PTPN3: variants seen among roughly 807,000 people sequenced by gnomAD.
PTPN3 encodes protein tyrosine phosphatase non-receptor type 3.
In PTPN3, 96 loss-of-function variants were observed where a neutral mutation model predicts 132.7. The observed-to-expected ratio is 0.72, with a 90% CI of 0.61 to 0.86. The LOEUF is 0.86. Ranked by LOEUF, PTPN3 falls within the 40% of genes least tolerant of loss-of-function variation. The pLI, the probability that PTPN3 is intolerant of heterozygous loss-of-function variation, is 0.00. For synonymous variants in PTPN3, 398 were observed against 429.0 expected (o/e 0.93, Z 0.89); for missense variants, 1,125 against 1,159.6 (o/e 0.97, Z 0.43).
the PTPN3 span, among the ~76,000 whole-genome samples, chr9:109,521,923 A>C: frequency 6.6e-6 from 1 of 152,132 alleles, no homozygotes. Flanking sequence ...TTATCCCTTC[A>C]TTTTACAGAT....
intron 14 of PTPN3, among the ~76,000 whole-genome samples, chr9:109,416,115 GA>G (rs1323772983): frequency 6.6e-6 from 1 of 152,168 alleles, no homozygotes; most frequent in East Asian, 1.9e-4. Context: ...GTGATGGGTG[GA>G]AAGTGACTAC....
chr9:109,418,384 A>G lies in PTPN3; in HGVS notation c.1313+2040T>C, dbSNP rs78952693. ...CCTCCCCACCTGGCACTGATTGCAT[A>G]AAGAGACAGAGGGTGCTGGGCTGTG... On this transcript the variant is annotated intron_variant, in intron 14 of 25. Coordinates refer to ENST00000374541, the MANE Select transcript of PTPN3 (RefSeq NM_002829.4). 1.1e-3 allele frequency among the ~76,000 whole-genome samples: 174 copies of G among 152,326 alleles called. 1 individual carries two copies. Among genetic ancestry groups the G allele is most frequent in the Non-Finnish European group, 1.6e-3 (106 of 68,026 alleles).
At chr9:109,424,052 A>T (rs10816809) in intron 12 of PTPN3, among the ~76,000 whole-genome samples, 41,112 of 152,046 alleles carry the variant, frequency 0.27, 5,726 homozygotes, top group Non-Finnish European at 0.28. Flanking sequence ...ATCAGAAACC[A>T]CACTGCCAGT....
intron 22 of PTPN3, among the ~76,000 whole-genome samples, chr9:109,384,620 A>G (rs1040658683): frequency 2.6e-5 from 4 of 152,248 alleles, no homozygotes; most frequent in African/African-American, 9.6e-5. Context: ...CTTCAGGGCT[A>G]GGCTGTCCAT....
chr9:109,513,033 G>A, the PTPN3 span, among the ~76,000 whole-genome samples: 1 of 152,170 alleles, frequency 6.6e-6, no homozygotes, highest in South Asian at 2.1e-4. Context: ...TATTGAAACA[G>A]GGTCTCACTC....
intron 1 of PTPN3, among the ~76,000 whole-genome samples, chr9:109,489,460 C>T (rs949529613): frequency 1.3e-5 from 2 of 152,186 alleles, no homozygotes; most frequent in Non-Finnish European, 2.9e-5. Context: ...CTGCACTGAT[C>T]TCAACCTCGA....
Position 109,377,595 on chromosome 9 carries a change from C to A in PTPN3, c.*1961G>T, listed in dbSNP as rs906530855. ...TACTCCAGCCTGGGCGACAGTGAGACCCTGTCTCTAAAAAGAGAGACAAAA... is the reference window on the plus strand; with the variant it reads ...TACTCCAGCCTGGGCGACAGTGAGAACCTGTCTCTAAAAAGAGAGACAAAA... On this transcript the variant is annotated 3_prime_UTR_variant, in exon 26 of 26. Transcript: ENST00000374541. 1 of 152,094 alleles carries A rather than the reference C, an allele frequency of 6.6e-6. No individual in the cohort carries two copies. The highest frequency in any genetic ancestry group is 1.5e-5 in the Non-Finnish European group (1 of 68,034). The allele number at this position is 152,094 out of a possible 1,614,324, so 9.4% of individuals were successfully genotyped here. A position where few individuals can be genotyped will look rare whatever the true frequency, so the allele number is the denominator to read the frequency against.
At chr9:109,440,512 CCA>C (rs1214631257) in intron 7 of PTPN3, among the ~76,000 whole-genome samples, 1 of 152,126 alleles carries the variant, frequency 6.6e-6, no homozygotes, top group African/African-American at 2.4e-5. Context: ...GATCTGAACC[CCA>C]GTTAGTGCTC....
intron 22 of PTPN3, among the ~76,000 whole-genome samples, chr9:109,386,060 C>A (rs1051777816): frequency 1.3e-5 from 2 of 152,202 alleles, no homozygotes; most frequent in Non-Finnish European, 2.9e-5. Context: ...ATGGGACATA[C>A]TGAAAATTTC....
chr9:109,448,312 A>G (rs1844997041), intron 6 of PTPN3, among the ~76,000 whole-genome samples: 1 of 152,160 alleles, frequency 6.6e-6, no homozygotes, highest in Non-Finnish European at 1.5e-5. Context: ...CTAAGTCAAG[A>G]AAAGGAGGTA....
chr9:109,429,680 G>A (rs1435139930), intron 10 of PTPN3, among the ~76,000 whole-genome samples: 1 of 152,156 alleles, frequency 6.6e-6, no homozygotes, highest in Non-Finnish European at 1.5e-5. Context: ...CACGAGTTTT[G>A]CGGAGCCAAC....
intron 19 of PTPN3, among the ~76,000 whole-genome samples, chr9:109,397,064 A>T (rs1349392653): frequency 6.6e-6 from 1 of 152,200 alleles, no homozygotes; most frequent in African/African-American, 2.4e-5. Context: ...AGAAAAAGGG[A>T]AAAGGACAGG....
chr9:109,506,990 T>C, the PTPN3 span, among the ~76,000 whole-genome samples: 1 of 152,248 alleles, frequency 6.6e-6, no homozygotes, highest in Non-Finnish European at 1.5e-5. Flanking sequence ...TAATATTTTT[T>C]CAGAATTGTT....
chr9:109,393,240 T>C (rs1033468259), intron 19 of PTPN3, among the ~76,000 whole-genome samples: 3 of 152,202 alleles, frequency 2.0e-5, no homozygotes, highest in Non-Finnish European at 4.4e-5. Context: ...ACATATGATC[T>C]TTAATGGTTC....
intron 1 of PTPN3, among the ~76,000 whole-genome samples, chr9:109,468,629 G>A (rs1280777126): frequency 1.3e-5 from 2 of 152,132 alleles, no homozygotes; most frequent in African/African-American, 2.4e-5. Context: ...GCCTCCCAAA[G>A]TGCTGGGATT....
Position 109,490,670 on chromosome 9 carries a change from C to T in PTPN3, c.-18+7549G>A, listed in dbSNP as rs10979888. On this transcript the variant is annotated intron_variant, in intron 1 of 25. Transcript: ENST00000374541. Reference sequence around the variant, plus strand: ...AGGAGAATTGCTTGAACCCAGGAGTCGGATGCTGCAGTGAGCTGAGACTGA... The same window carrying T: ...AGGAGAATTGCTTGAACCCAGGAGTTGGATGCTGCAGTGAGCTGAGACTGA... Among the ~76,000 whole-genome samples the T allele has an allele frequency of 7.2e-4, 109 of 151,650 alleles. 1 individual carries two copies. The highest frequency in any genetic ancestry group is 1.1e-3 in the Non-Finnish European group (78 of 67,910).
intron 18 of PTPN3, among the ~76,000 whole-genome samples, chr9:109,405,637 T>C (rs1157339626): frequency 6.6e-6 from 1 of 152,226 alleles, no homozygotes; most frequent in Non-Finnish European, 1.5e-5. Flanking sequence ...TCACCCAGGC[T>C]GGAGTGTAGT....
chr9:109,418,538 T>G (rs989213698), intron 14 of PTPN3, among the ~76,000 whole-genome samples: 5 of 152,184 alleles, frequency 3.3e-5, no homozygotes, highest in Non-Finnish European at 7.3e-5. Context: ...GTGTGAAAAA[T>G]GCACTTTTCG....
At chr9:109,500,540 G>A (rs1276606326), upstream of PTPN3, among the ~76,000 whole-genome samples, 5 of 151,408 alleles carry the variant, frequency 3.3e-5, no homozygotes, top group African/African-American at 4.9e-5. Context: ...TTAGGTTATG[G>A]TATATTAGTT....
Sources: gnomAD v4.1 joint callset for allele counts (sites outside exome capture counted in the v4.1 genomes callset) on GRCh38, gnomAD v4.1.1 for gene constraint, MANE v1.5 for transcripts, NCBI Gene and HGNC (gene_info 2026-07-23, HGNC 2026-07-21) for gene names.